The following CFB variants were observed in gnomAD, a reference collection of about 807,000 sequenced individuals.
CFB encodes the protein complement factor B, also known as B-factor, properdin.
Under a neutral mutation model 97.2 loss-of-function variants are expected in CFB, and 59 were observed. The ratio of observed to expected loss-of-function variants is 0.61; its 90% CI spans 0.49 to 0.75. The LOEUF is 0.75. Among genes scored for constraint, CFB ranks in the 30% least tolerant of loss-of-function variants. The pLI, the probability that CFB is intolerant of heterozygous loss-of-function variation, is 0.00. For missense variants in CFB, 771 were observed against 959.8 expected, an observed-to-expected ratio of 0.80 and a Z score of 2.60; for synonymous variants, 316 against 351.7, an observed-to-expected ratio of 0.90 and a Z score of 1.14.
chr6:31,950,793 G>A (rs770796679), intron 13 of CFB, 21 bp downstream of exon 13: 4 of 1,612,952 alleles, frequency 2.5e-6, no homozygotes, highest in Non-Finnish European at 3.4e-6. Context: ...CCAGATCCCT[G>A]AGGAAAGGCT....
Position 31,946,712 on chromosome 6 carries a change from C to A in CFB, c.298+106C>A. 1.8e-6 allele frequency: 2 copies of A among 1,114,502 alleles called. No homozygotes were observed. Among genetic ancestry groups the A allele is most frequent in the Middle Eastern group, 2.0e-4 (1 of 4,882 alleles). 69.0% of individuals were successfully genotyped at this position (1,114,502 alleles called of 1,614,324 possible). ...AGGCAGGGTGACAAGGTGGGCTGAC[C>A]GGGAGTAGGAGCAGTTTTAGGGTGG... On this transcript the variant is annotated intron_variant, in intron 2 of 17. Coordinates refer to ENST00000425368, the MANE Select transcript of CFB (RefSeq NM_001710.6). This position sits in a 1 kb window ranked among gnomAD's most constrained non-coding sequence, Gnocchi z 6.4.
rs141298291 is a variant in CFB, at chr6:31,948,898, C to G, written c.1105C>G (p.Pro369Ala). 39 of 1,612,798 alleles carry G rather than the reference C, an allele frequency of 2.4e-5. No homozygotes were observed. In the African/African-American group the frequency reaches 4.7e-4, roughly 19 times the overall value. Residue 369 changes from proline (P) to alanine (A), a missense_variant, in exon 8 of 18, where the codon CCA (proline) becomes GCA (alanine). Transcript: ENST00000425368. Reference protein sequence around the residue: ...LQAVYSMMSWPDDVPPEGWNR... With the variant: ...LQAVYSMMSWADDVPPEGWNR... ...GGCAGTGTACAGCATGATGAGCTGGCCAGATGACGTCCCTCCTGAAGGCTG... is the reference window on the plus strand; with the variant it reads ...GGCAGTGTACAGCATGATGAGCTGGGCAGATGACGTCCCTCCTGAAGGCTG...
At chr6:31,949,770 A>G in intron 10 of CFB, 2 of 709,322 alleles carry the variant, frequency 2.8e-6, no homozygotes, top group South Asian at 1.8e-5. Context: ...CTATAGTCCT[A>G]CATTTGACAC....
In CFB at chr6:31,946,572, A is replaced by T. The variant is rs1771436539; in HGVS notation, c.264A>T (p.Gln88His). The change falls in exon 2 of 18, where the codon CAA (glutamine) becomes CAT (histidine). Residue 88 changes from glutamine to histidine, a missense_variant. Gln to His is a conservative substitution (Grantham distance 24). Coordinates refer to ENST00000425368, the MANE Select transcript of CFB (RefSeq NM_001710.6). This position sits in a 1 kb window ranked among gnomAD's most constrained non-coding sequence, Gnocchi z 6.4. ...GGTCCTGGAGCACCCTGAAGACTCA[A>T]GACCAAAAGACTGTCAGGAAGGCAG... ...STGSWSTLKT[Q>H]DQKTVRKAEC... 6.2e-7 allele frequency: 1 copy of T among 1,611,846 alleles called. No homozygotes were observed. The highest frequency in any genetic ancestry group is 1.7e-5 in the Admixed American group (1 of 60,004).
Position 31,947,431 on chromosome 6 carries a change from C to T in CFB, c.568C>T (p.His190Tyr). The change falls in exon 4 of 18, where the codon CAC becomes TAC. Residue 190 changes from histidine to tyrosine, a missense_variant. Transcript: ENST00000425368. The surrounding 1 kb of genome is among the most constrained non-coding windows in gnomAD (Gnocchi z 5.3). ...CCGCCTTGAAGACAGCGTCACCTACCACTGCAGCCGGGGGCTTACCCTGCG... is the reference window on the plus strand; with the variant it reads ...CCGCCTTGAAGACAGCGTCACCTACTACTGCAGCCGGGGGCTTACCCTGCG... ...QYRLEDSVTYHCSRGLTLRGS... is the reference protein window; with the variant it reads ...QYRLEDSVTYYCSRGLTLRGS... 6.2e-7 allele frequency: 1 copy of T among 1,612,996 alleles called. No homozygotes were observed. Among genetic ancestry groups the T allele is most frequent in the Non-Finnish European group, 8.5e-7 (1 of 1,180,010 alleles).
At position 31,949,859 on chromosome 6, in the gene CFB, C is replaced by G. The variant is rs1189497657; in HGVS notation, c.1409-191C>G. The G allele has an allele frequency of 2.2e-5, 16 of 717,322 alleles. No homozygotes were observed. The East Asian group carries it at 3.8e-4, about 17-fold the overall frequency. 44.4% of individuals were successfully genotyped at this position (717,322 alleles called of 1,614,324 possible). On this transcript the variant is annotated intron_variant, in intron 10 of 17. Coordinates refer to ENST00000425368, the MANE Select transcript of CFB (RefSeq NM_001710.6). Reference sequence around the variant, plus strand: ...GGCTTGAAAACAGCCAGGCCTCTGACAGCTTGATCCCAAGTTCTTTCCCTT... The same window carrying G: ...GGCTTGAAAACAGCCAGGCCTCTGAGAGCTTGATCCCAAGTTCTTTCCCTT...
chr6:31,951,687 G>A lies in CFB; in HGVS notation c.2139+83G>A, dbSNP rs1261359505. 6.3e-7 allele frequency: 1 copy of A among 1,591,160 alleles called. No homozygotes were observed. The highest frequency in any genetic ancestry group is 1.3e-5 in the African/African-American group (1 of 74,498). ...CAGGAAAGCTCAATGCATGTGGCTA[G>A]TAATTCGAGGTAGGCAGAGCCTGCC... On this transcript the variant is annotated intron_variant, in intron 17 of 17. Coordinates refer to ENST00000425368, the MANE Select transcript of CFB (RefSeq NM_001710.6). This position sits in a 1 kb window ranked among gnomAD's most constrained non-coding sequence, Gnocchi z 4.3.
chr6:31,950,450 C>A (rs1241907090), intron 12 of CFB, 47 bp downstream of exon 12: 11 of 1,571,924 alleles, frequency 7.0e-6, no homozygotes, highest in African/African-American at 2.7e-5. Context: ...GCTCTCCAGG[C>A]AACACCTCCC....
At position 31,949,486 on chromosome 6, in the gene CFB, A is replaced by C; in HGVS notation, c.1337A>C (p.Lys446Thr). Residue 446 changes from lysine to threonine, a missense_variant, in exon 10 of 18, where the codon AAA (lysine) becomes ACA (threonine). Lys to Thr is a moderately conservative substitution (Grantham distance 78, BLOSUM62 -1). Transcript: ENST00000425368. ...QVNINALASK[K>T]DNEQHVFKVK... ...AACATCAATGCTTTGGCTTCCAAGA[A>C]AGACAATGAGCAACATGTGTTCAAA... 6.2e-7 allele frequency: 1 copy of C among 1,614,068 alleles called. No individual in the cohort carries two copies. Among genetic ancestry groups the C allele is most frequent in the South Asian group, 1.1e-5 (1 of 91,080 alleles).
chr6:31,947,874 G>A lies in CFB; in HGVS notation c.760+31G>A, dbSNP rs1255923656. ...AAGACAGAGAAGGGAGGCAGGGCAG[G>A]GAACTGGGGGAAAATGGAGAAGGGA... On this transcript the variant is annotated intron_variant, in intron 5 of 17. Transcript: ENST00000425368. The surrounding 1 kb of genome is among the most constrained non-coding windows in gnomAD (Gnocchi z 5.3). 10 of 1,614,120 alleles carry A rather than the reference G, an allele frequency of 6.2e-6. No individual in the cohort carries two copies. The Admixed American group carries it at 8.3e-5, about 13-fold the overall frequency.
At position 31,948,504 on chromosome 6, in the gene CFB, A is replaced by G. The variant is rs750395807; in HGVS notation, c.1028A>G (p.Asn343Ser). ...GTCACGAAGCAGCTCAATGAAATCA[A>G]TTATGAAGGTCAGAGGTTAGGGAAT... Reference protein sequence around the residue: ...DWVTKQLNEINYEDHKLKSGT... With the variant: ...DWVTKQLNEISYEDHKLKSGT... Residue 343 changes from asparagine (N) to serine (S), a missense_variant, in exon 7 of 18, where the codon AAT becomes AGT. By Grantham distance (46) the Asn-to-Ser change is conservative. Coordinates refer to ENST00000425368, the MANE Select transcript of CFB (RefSeq NM_001710.6). The G allele has an allele frequency of 3.1e-6, 5 of 1,614,166 alleles. No individual in the cohort carries two copies. Among genetic ancestry groups the G allele is most frequent in the African/African-American group, 2.7e-5 (2 of 75,026 alleles).
chr6:31,950,000 T>G, intron 10 of CFB, 50 bp from the exon 11 acceptor site: 2 of 1,576,546 alleles, frequency 1.3e-6, no homozygotes, highest in Non-Finnish European at 8.7e-7. Context: ...GCTGCTGCCA[T>G]TTGGGAATGA....
chr6:31,947,450 C>A lies in CFB; in HGVS notation c.587C>A (p.Thr196Asn). ...ACCTACCACTGCAGCCGGGGGCTTA[C>A]CCTGCGTGGCTCCCAGCGGCGAACG... ...SVTYHCSRGLTLRGSQRRTCQ... is the reference protein window; with the variant it reads ...SVTYHCSRGLNLRGSQRRTCQ... Residue 196 changes from threonine to asparagine, a missense_variant, in exon 4 of 18, where the codon ACC (threonine) becomes AAC (asparagine). Physicochemically the swap from Thr to Asn is moderately conservative, Grantham distance 65. Transcript: ENST00000425368. This position sits in a 1 kb window ranked among gnomAD's most constrained non-coding sequence, Gnocchi z 5.3. 1 of 1,613,014 alleles carries A rather than the reference C, an allele frequency of 6.2e-7. No individual in the cohort carries two copies. The highest frequency in any genetic ancestry group is 1.3e-5 in the African/African-American group (1 of 75,032).
intron 8 of CFB, 86 bp from the exon 9 acceptor site, chr6:31,949,157 A>G (rs1447289788): frequency 9.5e-6 from 14 of 1,479,486 alleles, no homozygotes; most frequent in South Asian, 2.3e-5. Context: ...CCCTTCCTCA[A>G]CTTGCTCACC....
chr6:31,948,565 G>A, intron 7 of CFB, 53 bp downstream of exon 7: 1 of 1,611,496 alleles, frequency 6.2e-7, no homozygotes, highest in Non-Finnish European at 8.5e-7. Context: ...GAGGTTCAGG[G>A]TGGAGGGGGT....
rs1771724773 is a variant in CFB, at chr6:31,950,956, T to G, written c.1855+12T>G. ...TTGCCAGCAACAAAGTAAGACATAC[T>G]TGGCAAGAGGATAAGGATGAGATCC... On this transcript the variant is annotated intron_variant, in intron 14 of 17. Coordinates refer to ENST00000425368, the MANE Select transcript of CFB (RefSeq NM_001710.6). 6.2e-7 allele frequency: 1 copy of G among 1,612,658 alleles called. No individual in the cohort carries two copies. Among genetic ancestry groups the G allele is most frequent in the Non-Finnish European group, 8.5e-7 (1 of 1,179,808 alleles).
Position 31,947,455 on chromosome 6 carries a change from C to A in CFB, c.592C>A (p.Arg198Ser), listed in dbSNP as rs1337987193. The part of the protein sequence containing the change: ...TYHCSRGLTL[R>S]GSQRRTCQEG... The stretch of plus-strand genomic sequence containing the variant: ...CCACTGCAGCCGGGGGCTTACCCTG[C>A]GTGGCTCCCAGCGGCGAACGTGTCA... The change falls in exon 4 of 18, where the codon CGT (arginine) becomes AGT (serine). Residue 198 changes from arginine to serine, a missense_variant. Coordinates refer to ENST00000425368, the MANE Select transcript of CFB (RefSeq NM_001710.6). The surrounding 1 kb of genome is among the most constrained non-coding windows in gnomAD (Gnocchi z 5.3). 6.2e-7 allele frequency: 1 copy of A among 1,612,998 alleles called. No homozygotes were observed. Among genetic ancestry groups the A allele is most frequent in the Non-Finnish European group, 8.5e-7 (1 of 1,180,022 alleles).
chr6:31,947,595 T>G lies in CFB; in HGVS notation c.658+74T>G. 1 of 1,599,768 alleles carries G rather than the reference T, an allele frequency of 6.3e-7. No homozygotes were observed. The highest frequency in any genetic ancestry group is 8.6e-7 in the Non-Finnish European group (1 of 1,168,340). On this transcript the variant is annotated intron_variant, in intron 4 of 17. Transcript: ENST00000425368. The surrounding 1 kb of genome is among the most constrained non-coding windows in gnomAD (Gnocchi z 5.3). Reference sequence around the variant, plus strand: ...CTGTCTTCTCTCCCCACCTCAACCCTGCTCTTTCCTCACTTTGTTTAAACC... The same window carrying G: ...CTGTCTTCTCTCCCCACCTCAACCCGGCTCTTTCCTCACTTTGTTTAAACC...
At position 31,947,175 on chromosome 6, in the gene CFB, C is replaced by T. The variant is rs758009846; in HGVS notation, c.467C>T (p.Ala156Val). The T allele has an allele frequency of 3.1e-6, 5 of 1,612,410 alleles. No homozygotes were observed. Among genetic ancestry groups the T allele is most frequent in the Non-Finnish European group, 4.2e-6 (5 of 1,179,738 alleles). Reference sequence around the variant, plus strand: ...AATGGCCGATGGAGTGGGCAGACAGCGATCTGTGACAACGGAGGTGAGAAG... The same window carrying T: ...AATGGCCGATGGAGTGGGCAGACAGTGATCTGTGACAACGGAGGTGAGAAG... ...QVNGRWSGQT[A>V]ICDNGAGYCS... The change falls in exon 3 of 18, where the codon GCG (alanine) becomes GTG (valine). Residue 156 changes from alanine (A) to valine (V), a missense_variant. Ala to Val is a moderately conservative substitution (Grantham distance 64). Coordinates refer to ENST00000425368, the MANE Select transcript of CFB (RefSeq NM_001710.6). This position sits in a 1 kb window ranked among gnomAD's most constrained non-coding sequence, Gnocchi z 5.3.
Sources: allele counts gnomAD v4.1 joint callset, GRCh38; gene constraint gnomAD v4.1.1; non-coding constraint Gnocchi (gnomAD v3.1); transcripts MANE v1.5; gene names NCBI Gene and HGNC (gene_info 2026-07-23, HGNC 2026-07-21).